The following OPCML variants were observed in gnomAD, a reference collection of about 807,000 sequenced individuals.
OPCML encodes the protein opioid binding protein/cell adhesion molecule like, also known as opioid-binding protein/cell adhesion molecule.
A neutral mutation model predicts 37.8 loss-of-function variants in OPCML; 13 were observed. That is an observed-to-expected ratio of 0.34 (90% CI 0.22 to 0.55). OPCML has a LOEUF of 0.55. Among genes scored for constraint, OPCML ranks in the 20% least tolerant of loss-of-function variants. The probability of loss-of-function intolerance (pLI) is 0.91; values close to 1 mark genes in which losing one functional copy is unlikely to be tolerated. For missense variants in OPCML, 341 were observed against 435.6 expected (o/e 0.78, Z 1.93); for synonymous variants, 176 against 168.8 (o/e 1.04, Z -0.33).
chr11:132,967,818 G>T (rs1331826792), intron 1 of OPCML, among the ~76,000 whole-genome samples: 1 of 152,092 alleles, frequency 6.6e-6, no homozygotes, highest in Non-Finnish European at 1.5e-5. Context: ...TTGTAAGGTG[G>T]TCTGCAAGCA....
chr11:133,359,717 G>A (rs888909746), intron 1 of OPCML, among the ~76,000 whole-genome samples: 11 of 152,162 alleles, frequency 7.2e-5, no homozygotes, highest in East Asian at 3.8e-4. Context: ...GTGGGTGGTC[G>A]TTTATGAATG....
intron 1 of OPCML, among the ~76,000 whole-genome samples, chr11:133,283,606 T>A (rs909138020): frequency 1.4e-4 from 21 of 152,196 alleles, no homozygotes; most frequent in African/African-American, 4.8e-4. Flanking sequence ...GACTAATACA[T>A]GTGGTCATCC....
intron 3 of OPCML, among the ~76,000 whole-genome samples, chr11:132,532,354 G>A (rs2096328100): frequency 6.6e-6 from 1 of 151,628 alleles, no homozygotes; most frequent in Non-Finnish European, 1.5e-5. Flanking sequence ...AGGAAGTGCA[G>A]AGGATGAATT....
At position 132,417,204 on chromosome 11, in the gene OPCML, G is replaced by C. The variant is rs758249737; in HGVS notation, c.*2989C>G. The C allele has an allele frequency of 2.0e-5, 3 of 152,220 alleles. No individual in the cohort carries two copies. Among genetic ancestry groups the C allele is most frequent in the Admixed American group, 6.5e-5 (1 of 15,284 alleles). The allele number at this position is 152,220 out of a possible 1,614,324, so 9.4% of individuals were successfully genotyped here. On this transcript the variant is annotated 3_prime_UTR_variant, in exon 8 of 8. Coordinates refer to ENST00000524381, the MANE Select transcript of OPCML (RefSeq NM_001012393.5). ...ACTCTCCGTGTGTGAAGTTGGAAAA[G>C]TGTGGATATTGTCTTGTGTAAGCAT...
chr11:132,651,974 A>T (rs1367483572), intron 3 of OPCML, among the ~76,000 whole-genome samples: 1 of 152,156 alleles, frequency 6.6e-6, no homozygotes, highest in African/African-American at 2.4e-5. Flanking sequence ...CCAAAAAGCA[A>T]CCATAGACGG....
At chr11:132,533,224 T>C (rs937824085) in intron 3 of OPCML, among the ~76,000 whole-genome samples, 8 of 152,192 alleles carry the variant, frequency 5.3e-5, no homozygotes, top group Admixed American at 1.3e-4. Context: ...TATCTTTCAC[T>C]GATGGTGGTG....
intron 4 of OPCML, among the ~76,000 whole-genome samples, chr11:132,484,199 A>G (rs1478738857): frequency 6.6e-6 from 1 of 152,326 alleles, no homozygotes; most frequent in Non-Finnish European, 1.5e-5. Flanking sequence ...AGAATCTACA[A>G]TGAACTCCAA....
At position 133,095,277 on chromosome 11, in the gene OPCML, G is replaced by GTTTTTTTT. The variant is rs60154725; in HGVS notation, c.62-152275_62-152268dup. On this transcript the variant is annotated intron_variant, in intron 1 of 7. Transcript: ENST00000524381. ...AGACTAAGATGATTTTAATGTAAAT[G>GTTTTTTTT]TTTTTTTTTTTTTTTTTTTTTTTTT... Among the ~76,000 whole-genome samples the GTTTTTTTT allele has an allele frequency of 4.5e-5, 2 of 44,202 alleles. 1 individual carries two copies. The highest frequency in any genetic ancestry group is 8.1e-5 in the Non-Finnish European group (2 of 24,744). The allele number at this position is 44,202 out of a possible 152,430, so 29.0% of individuals were successfully genotyped here. A position where few individuals can be genotyped will look rare whatever the true frequency, so the allele number is the denominator to read the frequency against.
chr11:132,578,125 G>A lies in OPCML; in HGVS notation c.380-48939C>T, dbSNP rs149509218. On this transcript the variant is annotated intron_variant, in intron 3 of 7. Transcript: ENST00000524381. ...TTATGTATGCATGAATGCCCCTTCA[G>A]GTTGAATTTCCAGGCTTTCAACAAT... 1.9e-3 allele frequency among the ~76,000 whole-genome samples: 294 copies of A among 152,284 alleles called. 2 individuals carry two copies. The highest frequency in any genetic ancestry group is 6.7e-3 in the African/African-American group (279 of 41,566).
At chr11:132,558,759 C>A (rs1029285120) in intron 3 of OPCML, among the ~76,000 whole-genome samples, 2 of 151,846 alleles carry the variant, frequency 1.3e-5, no homozygotes, top group Non-Finnish European at 2.9e-5. Flanking sequence ...CTGCCAGGAA[C>A]AAAAGTCCCA....
chr11:132,764,767 A>G (rs1456725857), intron 2 of OPCML, among the ~76,000 whole-genome samples: 1 of 152,204 alleles, frequency 6.6e-6, no homozygotes, highest in African/African-American at 2.4e-5. Flanking sequence ...TCTCCAATGC[A>G]GGGGAAGTGG....
rs575908543 is a variant in OPCML, at chr11:133,422,288, C to T, written c.61+109976G>A. The T allele has an allele frequency of 4.2e-5, 41 of 984,304 alleles. No homozygotes were observed. In the East Asian group the frequency reaches 1.6e-3, roughly 38 times the overall value. The allele number at this position is 984,304 out of a possible 1,614,324, so 61.0% of individuals were successfully genotyped here. On this transcript the variant is annotated intron_variant, in intron 1 of 7. Coordinates refer to ENST00000524381, the MANE Select transcript of OPCML (RefSeq NM_001012393.5). The stretch of plus-strand genomic sequence containing the variant: ...GTGTCGTGGGACTCACCACTAAACA[C>T]GAAGATATGGGGCAAGAATTCCATA...
chr11:132,879,015 A>T (rs1435301965), intron 2 of OPCML, among the ~76,000 whole-genome samples: 2 of 152,226 alleles, frequency 1.3e-5, no homozygotes, highest in African/African-American at 4.8e-5. Flanking sequence ...CTTAATATAG[A>T]TGACAAGAAG....
chr11:133,033,657 G>A (rs1370807004), intron 1 of OPCML, among the ~76,000 whole-genome samples: 1 of 152,108 alleles, frequency 6.6e-6, no homozygotes, highest in Non-Finnish European at 1.5e-5. Flanking sequence ...ATTATTTTTT[G>A]AATAGAGCAT....
At chr11:132,498,830 T>C (rs1318418111) in intron 4 of OPCML, among the ~76,000 whole-genome samples, 1 of 152,176 alleles carries the variant, frequency 6.6e-6, no homozygotes, top group East Asian at 1.9e-4. Context: ...CATGACTTTA[T>C]TGAAATGGGA....
At chr11:132,714,752 G>A (rs1284063502) in intron 2 of OPCML, among the ~76,000 whole-genome samples, 1 of 152,150 alleles carries the variant, frequency 6.6e-6, no homozygotes, top group Non-Finnish European at 1.5e-5. Context: ...ATCTTTTCAA[G>A]GACACACCGG....
chr11:132,513,961 T>C (rs1304196298), intron 4 of OPCML, among the ~76,000 whole-genome samples: 1 of 152,216 alleles, frequency 6.6e-6, no homozygotes, highest in Non-Finnish European at 1.5e-5. Flanking sequence ...CACCCACTAA[T>C]TCATTCTTGA....
At chr11:132,437,099 T>C in intron 5 of OPCML, 123 bp downstream of exon 5, 4 of 1,453,678 alleles carry the variant, frequency 2.8e-6, no homozygotes, top group Non-Finnish European at 3.7e-6. Context: ...AGCCATCTGA[T>C]GAAGTATTTT....
chr11:133,222,384 G>T (rs1374494060), intron 1 of OPCML, among the ~76,000 whole-genome samples: 1 of 152,208 alleles, frequency 6.6e-6, no homozygotes, highest in Non-Finnish European at 1.5e-5. Context: ...GGAAAGTCAG[G>T]CTTGGGGTCT....
Sources: gnomAD v4.1 joint callset for allele counts (sites outside exome capture counted in the v4.1 genomes callset) on GRCh38, gnomAD v4.1.1 for gene constraint, MANE v1.5 for transcripts, NCBI Gene and HGNC (gene_info 2026-07-23, HGNC 2026-07-21) for gene names.